COL20A1: variants seen among roughly 807,000 people sequenced by gnomAD.
The protein encoded by COL20A1 is collagen alpha-1(XX) chain.
Under a neutral mutation model 152.9 loss-of-function variants are expected in COL20A1, and 164 were observed. That is an observed-to-expected ratio of 1.07 (90% CI 0.94 to 1.22). COL20A1 has a LOEUF of 1.22. Among genes scored for constraint, COL20A1 ranks in the 50% most tolerant of loss-of-function variants. The probability of loss-of-function intolerance (pLI) is 0.00; values close to 1 mark genes in which losing one functional copy is unlikely to be tolerated. For missense variants in COL20A1, 1,873 were observed against 1,744.8 expected, an observed-to-expected ratio of 1.07 and a Z score of -1.31; for synonymous variants, 864 against 756.0, an observed-to-expected ratio of 1.14 and a Z score of -2.34.
Position 63,312,555 on chromosome 20 carries a change from TG to T in COL20A1, c.1933+10del, listed in dbSNP as rs2068023455. The T allele has an allele frequency of 6.4e-7, 1 of 1,562,550 alleles. No individual in the cohort carries two copies. ...GACTGGCCGGGTGACCACCAGTGAG[TG>T]GGGAGAGGCTGGGGCTGGGGGTCCA... On this transcript the variant is annotated splice_region_variant and intron_variant, in intron 15 of 35. Coordinates refer to ENST00000358894, the MANE Select transcript of COL20A1 (RefSeq NM_020882.4).
chr20:63,319,424 G>A lies in COL20A1; in HGVS notation c.2807-63G>A. The A allele has an allele frequency of 7.5e-7, 1 of 1,333,626 alleles. No homozygotes were observed. Among genetic ancestry groups the A allele is most frequent in the Non-Finnish European group, 1.0e-6 (1 of 957,936 alleles). 82.6% of individuals were successfully genotyped at this position (1,333,626 alleles called of 1,614,324 possible). A position where few individuals can be genotyped will look rare whatever the true frequency, so the allele number is the denominator to read the frequency against. ...CCTGTCCTGTCGTGGGGGCCGCCCT[G>A]CTCAAGGTATAGGCCCGGCTGGTTG... On this transcript the variant is annotated intron_variant, in intron 22 of 35. Transcript: ENST00000358894. The surrounding 1 kb of genome is among the most constrained non-coding windows in gnomAD (Gnocchi z 4.4).
chr20:63,328,147 T>A lies in COL20A1; in HGVS notation c.3613+20T>A, dbSNP rs750972782. The stretch of plus-strand genomic sequence containing the variant: ...AGGCCTGTGAGTCTGCCATTCAGAG[T>A]GAGTGAGGCCAGCAGCCCTGCACCT... On this transcript the variant is annotated intron_variant, in intron 33 of 35. Coordinates refer to ENST00000358894, the MANE Select transcript of COL20A1 (RefSeq NM_020882.4). The A allele has an allele frequency of 3.7e-6, 6 of 1,612,556 alleles. No homozygotes were observed. In the South Asian group the frequency reaches 6.6e-5, roughly 18 times the overall value.
In COL20A1 at chr20:63,322,082, C is replaced by T. The variant is rs768405162; in HGVS notation, c.3265C>T (p.Pro1089Ser). The T allele has an allele frequency of 1.3e-6, 2 of 1,502,730 alleles. No individual in the cohort carries two copies. The highest frequency in any genetic ancestry group is 2.6e-5 in the South Asian group (2 of 76,930). 93.1% of individuals were successfully genotyped at this position (1,502,730 alleles called of 1,614,324 possible). A position where few individuals can be genotyped will look rare whatever the true frequency, so the allele number is the denominator to read the frequency against. The change falls in exon 27 of 36, where the codon CCA (proline) becomes TCA (serine). Residue 1089 changes from proline to serine, a missense_variant. Coordinates refer to ENST00000358894, the MANE Select transcript of COL20A1 (RefSeq NM_020882.4). ...GGGCCTCCCTGGGAGGAATGGCACC[C>T]CAGGAGAGCAGGGCTTCCCAGGGCC... Reference protein sequence around the residue: ...PPGLPGRNGTPGEQGFPGPRG... With the variant: ...PPGLPGRNGTSGEQGFPGPRG...
At position 63,334,392 on chromosome 20, in the gene COL20A1, T is replaced by C. The variant is rs2068368899; in HGVS notation, c.*3676T>C. ...GCAGTGGTACCTAGAGGGCAATTTATAGCTGTAAATACAGTGCTTTGTTTT... is the reference window on the plus strand; with the variant it reads ...GCAGTGGTACCTAGAGGGCAATTTACAGCTGTAAATACAGTGCTTTGTTTT... On this transcript the variant is annotated 3_prime_UTR_variant, in exon 36 of 36. Transcript: ENST00000358894. 6.6e-6 allele frequency: 1 copy of C among 152,248 alleles called. No individual in the cohort carries two copies. The highest frequency in any genetic ancestry group is 1.5e-5 in the Non-Finnish European group (1 of 68,052). The allele number at this position is 152,248 out of a possible 1,614,324, so 9.4% of individuals were successfully genotyped here.
At position 63,313,291 on chromosome 20, in the gene COL20A1, G is replaced by T; in HGVS notation, c.2209+42G>T. 2.5e-6 allele frequency: 4 copies of T among 1,575,976 alleles called. No homozygotes were observed. Among genetic ancestry groups the T allele is most frequent in the Non-Finnish European group, 3.5e-6 (4 of 1,157,386 alleles). On this transcript the variant is annotated intron_variant, in intron 17 of 35. Coordinates refer to ENST00000358894, the MANE Select transcript of COL20A1 (RefSeq NM_020882.4). The surrounding 1 kb of genome is among the most constrained non-coding windows in gnomAD (Gnocchi z 5.9). ...TTCCCCTCTGCTGGGTGTGGGGCAG[G>T]GATGGCCCAGGGGATCCCTGACTCA...
chr20:63,316,598 C>T lies in COL20A1; in HGVS notation c.2570C>T (p.Ala857Val), dbSNP rs375353757. Residue 857 changes from alanine to valine, a missense_variant, in exon 21 of 36, where the codon GCG (alanine) becomes GTG (valine). Ala to Val is a moderately conservative substitution (Grantham distance 64). Coordinates refer to ENST00000358894, the MANE Select transcript of COL20A1 (RefSeq NM_020882.4). ...TTCAGCCTGGTGGAAAAGGCTTATGCGTCCATCCGGGGCGTGGCCATGGAG... is the reference window on the plus strand; with the variant it reads ...TTCAGCCTGGTGGAAAAGGCTTATGTGTCCATCCGGGGCGTGGCCATGGAG... ...VAFSLVEKAY[A>V]SIRGVAMEPS... 9.0e-5 allele frequency: 142 copies of T among 1,586,328 alleles called. No homozygotes were observed. Among genetic ancestry groups the T allele is most frequent in the Non-Finnish European group, 1.2e-4 (136 of 1,166,584 alleles).
intron 27 of COL20A1, among the ~76,000 whole-genome samples, chr20:63,323,109 A>G (rs2068191130): frequency 6.6e-6 from 1 of 152,256 alleles, no homozygotes; most frequent in South Asian, 2.1e-4. Context: ...GCCGCGTCTG[A>G]TAGATGAAAA....
intron 2 of COL20A1, among the ~76,000 whole-genome samples, chr20:63,295,634 C>T (rs567159931): frequency 3.9e-5 from 6 of 152,266 alleles, no homozygotes; most frequent in South Asian, 2.1e-4. Context: ...CATCCCTGGG[C>T]GACAGCACCA....
At position 63,314,108 on chromosome 20, in the gene COL20A1, C is replaced by T; in HGVS notation, c.2395C>T (p.Pro799Ser). ...VPGARSHVTL[P>S]DLQAATKYRV... ...AGGAGCCAGGAGCCACGTGACACTG[C>T]CCGACCTGCAGGCAGCCACGAAGTA... The change falls in exon 19 of 36, where the codon CCC (proline) becomes TCC (serine). Residue 799 changes from proline (P) to serine (S), a missense_variant. Transcript: ENST00000358894. 6.2e-7 allele frequency: 1 copy of T among 1,612,664 alleles called. No individual in the cohort carries two copies. The highest frequency in any genetic ancestry group is 8.5e-7 in the Non-Finnish European group (1 of 1,179,660).
chr20:63,321,235 T>C, intron 26 of COL20A1, 136 bp downstream of exon 26: 1 of 616,456 alleles, frequency 1.6e-6, no homozygotes, highest in Non-Finnish European at 2.9e-6. Flanking sequence ...ATGTATTTCA[T>C]GAGCCTCTTC....
intron 2 of COL20A1, among the ~76,000 whole-genome samples, chr20:63,296,417 G>A (rs1312328167): frequency 6.6e-6 from 1 of 152,288 alleles, no homozygotes; most frequent in Non-Finnish European, 1.5e-5. Flanking sequence ...GGGGGCCATT[G>A]AGTCCCTGAG....
chr20:63,321,691 A>G (rs2068165133), intron 26 of COL20A1, among the ~76,000 whole-genome samples: 1 of 152,014 alleles, frequency 6.6e-6, no homozygotes, highest in African/African-American at 2.4e-5. Context: ...AGGTCCTTGG[A>G]CCTGCCATGG....
At chr20:63,293,837 A>AT (rs1057457120) in intron 1 of COL20A1, among the ~76,000 whole-genome samples, 4 of 120,704 alleles carry the variant, frequency 3.3e-5, no homozygotes, top group Admixed American at 2.2e-4. Context: ...AGAGGAGCAG[A>AT]TTCCCTGGTG....
rs1232761514 is a variant in COL20A1, at chr20:63,307,571, G to T, written c.578G>T (p.Ser193Ile). The T allele has an allele frequency of 6.2e-7, 1 of 1,612,578 alleles. No homozygotes were observed. The highest frequency in any genetic ancestry group is 1.3e-5 in the African/African-American group (1 of 74,940). Reference protein sequence around the residue: ...LVDGSWSIGHSHFQQVKDFLA... With the variant: ...LVDGSWSIGHIHFQQVKDFLA... ...GACGGGTCCTGGAGCATTGGCCACA[G>T]TCACTTCCAGCAGGTCAAGGACTTC... Residue 193 changes from serine to isoleucine, a missense_variant, in exon 6 of 36, where the codon AGT becomes ATT. By Grantham distance (142) the Ser-to-Ile change is moderately radical. Transcript: ENST00000358894.
chr20:63,329,429 C>G (rs2068302388), intron 34 of COL20A1, 156 bp from the exon 35 acceptor site: 8 of 626,610 alleles, frequency 1.3e-5, no homozygotes, highest in Non-Finnish European at 1.4e-5. Flanking sequence ...GCACGGGGAC[C>G]TGGCACGCTG....
rs1387874226 is a variant in COL20A1, at chr20:63,305,016, T to TAGGGTAGGAGCCTGTGGGAG, written c.194-400_194-381dup. ...GCGGCTGGTCGGTCCGTGCAGCCCA[T>TAGGGTAGGAGCCTGTGGGAG]AGGGTAGGAGCCTGTGGGAGTGGGC... On this transcript the variant is annotated intron_variant, in intron 3 of 35. Coordinates refer to ENST00000358894, the MANE Select transcript of COL20A1 (RefSeq NM_020882.4). This position sits in a 1 kb window ranked among gnomAD's most constrained non-coding sequence, Gnocchi z 4.9. 6.6e-6 allele frequency among the ~76,000 whole-genome samples: 1 copy of TAGGGTAGGAGCCTGTGGGAG among 152,138 alleles called. No individual in the cohort carries two copies. The highest frequency in any genetic ancestry group is 1.5e-5 in the Non-Finnish European group (1 of 68,020).
Position 63,325,460 on chromosome 20 carries a change from G to A in COL20A1, c.3314G>A (p.Gly1105Glu). Reference sequence around the variant, plus strand: ...CTCCAGGGTCCACCAGGGGTCAAAGGAGAGAAGGGAGACCATGGGCTTCCA... The same window carrying A: ...CTCCAGGGTCCACCAGGGGTCAAAGAAGAGAAGGGAGACCATGGGCTTCCA... ...PGPRGPPGVK[G>E]EKGDHGLPGL... Residue 1105 changes from glycine to glutamate, a missense_variant, in exon 28 of 36, where the codon GGA (glycine) becomes GAA (glutamate). Gly to Glu is a moderately conservative substitution (Grantham distance 98). Transcript: ENST00000358894. The A allele has an allele frequency of 1.9e-6, 3 of 1,612,956 alleles. No individual in the cohort carries two copies. The highest frequency in any genetic ancestry group is 2.5e-6 in the Non-Finnish European group (3 of 1,179,594).
rs1354379661 is a variant in COL20A1, at chr20:63,305,375, G to A, written c.194-42G>A. On this transcript the variant is annotated intron_variant, in intron 3 of 35. Transcript: ENST00000358894. The surrounding 1 kb of genome is among the most constrained non-coding windows in gnomAD (Gnocchi z 4.9). ...TCCCCGCCGTGACAGATGCACACAC[G>A]TGTGCACCTTGGCCTCTAAAGCTCT... The A allele has an allele frequency of 1.3e-5, 18 of 1,432,654 alleles. No homozygotes were observed. The highest frequency in any genetic ancestry group is 8.1e-5 in the East Asian group (3 of 36,866). The allele number at this position is 1,432,654 out of a possible 1,614,324, so 88.7% of individuals were successfully genotyped here. A position where few individuals can be genotyped will look rare whatever the true frequency, so the allele number is the denominator to read the frequency against.
chr20:63,318,852 A>G (rs2068118291), intron 21 of COL20A1, among the ~76,000 whole-genome samples: 1 of 151,402 alleles, frequency 6.6e-6, no homozygotes. Context: ...GCTCTGTGGA[A>G]CCACCAGTCT....
Sources: allele counts gnomAD v4.1 joint callset (sites outside exome capture counted in the v4.1 genomes callset), GRCh38; gene constraint gnomAD v4.1.1; non-coding constraint Gnocchi (gnomAD v3.1); transcripts MANE v1.5; gene names NCBI Gene and HGNC (gene_info 2026-07-23, HGNC 2026-07-21).